Variants in GMDS observed in about 807,000 individuals in gnomAD.
The protein encoded by GMDS is GDP-mannose 4,6 dehydratase.
GMDS carries 20 observed loss-of-function variants against 49.9 expected under a neutral mutation model. That is an observed-to-expected ratio of 0.40 (90% CI 0.28 to 0.58). The LOEUF (loss-of-function observed/expected upper bound fraction) is 0.58, where lower values mean the gene tolerates loss of function less well. Ranked by LOEUF, GMDS falls within the 20% of genes least tolerant of loss-of-function variation. The probability of loss-of-function intolerance (pLI) is 0.42; values close to 1 mark genes in which losing one functional copy is unlikely to be tolerated. For missense variants in GMDS, 362 were observed against 481.4 expected, an observed-to-expected ratio of 0.75 and a Z score of 2.32; for synonymous variants, 177 against 178.6, an observed-to-expected ratio of 0.99 and a Z score of 0.07.
At chr6:1,964,564 G>A (rs149750636) in intron 4 of GMDS, among the ~76,000 whole-genome samples, 27 of 152,258 alleles carry the variant, frequency 1.8e-4, no homozygotes, top group African/African-American at 5.8e-4. Flanking sequence ...TACATTCACC[G>A]TGAACCACAC....
In GMDS at chr6:2,115,755, C is replaced by G. The variant is rs1366015154; in HGVS notation, c.345+16G>C. ...CACAGAAACACGGCCAGAGAAATCC[C>G]AATGAAAATGCTTACTTTGACGTGG... On this transcript the variant is annotated intron_variant, in intron 4 of 10. Transcript: ENST00000380815. 9.2e-6 allele frequency: 12 copies of G among 1,308,158 alleles called. No individual in the cohort carries two copies. Among genetic ancestry groups the G allele is most frequent in the Non-Finnish European group, 1.3e-5 (12 of 900,712 alleles). The allele number at this position is 1,308,158 out of a possible 1,614,324, so 81.0% of individuals were successfully genotyped here. A position where few individuals can be genotyped will look rare whatever the true frequency, so the allele number is the denominator to read the frequency against.
In GMDS at chr6:1,642,557, T is replaced by C. The variant is rs1763364150; in HGVS notation, c.988-18017A>G. On this transcript the variant is annotated intron_variant, in intron 9 of 10. Transcript: ENST00000380815. Reference sequence around the variant, plus strand: ...TTGGTTTTGTCAGGGAGAAAATAAATTTCTCCTTCAAAATCTCCACCTTCC... The same window carrying C: ...TTGGTTTTGTCAGGGAGAAAATAAACTTCTCCTTCAAAATCTCCACCTTCC... 2.6e-5 allele frequency among the ~76,000 whole-genome samples: 4 copies of C among 152,312 alleles called. No individual in the cohort carries two copies. In the East Asian group the frequency reaches 7.7e-4, roughly 29 times the overall value.
intron 1 of GMDS, among the ~76,000 whole-genome samples, chr6:2,156,913 T>C (rs1343070653): frequency 6.6e-6 from 1 of 152,218 alleles, no homozygotes; most frequent in African/African-American, 2.4e-5. Context: ...GTTTTCTCTG[T>C]ACATATTGCT....
At position 1,778,610 on chromosome 6, in the gene GMDS, A is replaced by G. The variant is rs1407398991; in HGVS notation, c.772-36024T>C. Among the ~76,000 whole-genome samples the G allele has an allele frequency of 1.3e-5, 2 of 152,224 alleles. No individual in the cohort carries two copies. Among genetic ancestry groups the G allele is most frequent in the South Asian group, 2.1e-4 (1 of 4,828 alleles). On this transcript the variant is annotated intron_variant, in intron 7 of 10. Coordinates refer to ENST00000380815, the MANE Select transcript of GMDS (RefSeq NM_001500.4). The surrounding 1 kb of genome is among the most constrained non-coding windows in gnomAD (Gnocchi z 4.6). Reference sequence around the variant, plus strand: ...TCTCGAACTGCAGGATTAGAGTAACATTAGTTAACGTGGCCCTCCATTAAT... The same window carrying G: ...TCTCGAACTGCAGGATTAGAGTAACGTTAGTTAACGTGGCCCTCCATTAAT...
At chr6:2,211,981 T>C (rs1389104687) in intron 1 of GMDS, among the ~76,000 whole-genome samples, 1 of 152,206 alleles carries the variant, frequency 6.6e-6, no homozygotes, top group Non-Finnish European at 1.5e-5. Context: ...CAATTGGTAA[T>C]AATTTAACCC....
rs760719993 is a variant in GMDS at position 1,999,319 on chromosome 6, TCAA to T, written c.346-38356_346-38354del. On this transcript the variant is annotated intron_variant, in intron 4 of 10. Transcript: ENST00000380815. ...CCTGGTGACAGAGCGAGACTCTGTC[TCAA>T]AAAAAAAAAAAAAAAAAACTGCAGA... is the stretch of plus-strand genomic sequence containing the variant. 1.3e-3 allele frequency among the ~76,000 whole-genome samples: 141 copies of T among 105,498 alleles called. 2 individuals are homozygous for T. Among genetic ancestry groups the T allele is most frequent in the South Asian group, 4.1e-3 (13 of 3,178 alleles). The allele number at this position is 105,498 out of a possible 152,430, so 69.2% of individuals were successfully genotyped here.
intron 4 of GMDS, among the ~76,000 whole-genome samples, chr6:2,087,337 A>T (rs1773071160): frequency 6.6e-6 from 1 of 152,192 alleles, no homozygotes; most frequent in South Asian, 2.1e-4. Context: ...TCTTCCTGTC[A>T]TCCTAAATGT....
intron 4 of GMDS, among the ~76,000 whole-genome samples, chr6:2,076,408 T>G (rs1373562823): frequency 6.6e-6 from 1 of 151,200 alleles, no homozygotes; most frequent in African/African-American, 2.4e-5. Flanking sequence ...GGAAAAAAAC[T>G]ACTTTAAAGT....
At chr6:1,968,466 G>T (rs1173551536) in intron 4 of GMDS, among the ~76,000 whole-genome samples, 2 of 152,210 alleles carry the variant, frequency 1.3e-5, no homozygotes, top group Non-Finnish European at 2.9e-5. Flanking sequence ...TGATGATCCT[G>T]AGACACTGCT....
chr6:1,977,257 C>T (rs1250268130), intron 4 of GMDS, among the ~76,000 whole-genome samples: 1 of 152,166 alleles, frequency 6.6e-6, no homozygotes, highest in Non-Finnish European at 1.5e-5. Flanking sequence ...TAGAAAGTTA[C>T]TTATGACAAT....
At chr6:2,238,562 A>G (rs1781475485) in intron 1 of GMDS, among the ~76,000 whole-genome samples, 1 of 152,142 alleles carries the variant, frequency 6.6e-6, no homozygotes, top group African/African-American at 2.4e-5. Flanking sequence ...TCCTTCTCTC[A>G]TTCCTTCCCA....
At chr6:1,837,717 G>A (rs1164338411) in intron 7 of GMDS, among the ~76,000 whole-genome samples, 1 of 152,280 alleles carries the variant, frequency 6.6e-6, no homozygotes, top group Non-Finnish European at 1.5e-5. Flanking sequence ...GCGAAGGCAC[G>A]ATATTCTTTC....
intron 9 of GMDS, among the ~76,000 whole-genome samples, chr6:1,726,077 G>C (rs773691448): frequency 9.2e-5 from 14 of 152,220 alleles, no homozygotes; most frequent in Non-Finnish European, 1.3e-4. Context: ...CTGGGACAGC[G>C]TTGTTAAGTC....
intron 7 of GMDS, among the ~76,000 whole-genome samples, chr6:1,762,991 T>A (rs908097651): frequency 6.6e-6 from 1 of 152,226 alleles, no homozygotes; most frequent in Non-Finnish European, 1.5e-5. Flanking sequence ...TGCTAGTGTA[T>A]GTACAAGCAG....
intron 9 of GMDS, among the ~76,000 whole-genome samples, chr6:1,676,687 T>C (rs925100812): frequency 6.6e-6 from 1 of 152,182 alleles, no homozygotes; most frequent in African/African-American, 2.4e-5. Flanking sequence ...GGGGAAAGGA[T>C]TCCCTATTTA....
At chr6:1,727,773 G>A (rs534582435) in intron 8 of GMDS, among the ~76,000 whole-genome samples, 1 of 152,284 alleles carries the variant, frequency 6.6e-6, no homozygotes, top group East Asian at 1.9e-4. Flanking sequence ...TTCACCGTTG[G>A]AGGAATAATC....
At chr6:1,752,033 G>A (rs1438338884) in intron 7 of GMDS, among the ~76,000 whole-genome samples, 2 of 152,198 alleles carry the variant, frequency 1.3e-5, no homozygotes, top group African/African-American at 4.8e-5. Context: ...CAGAGAATGA[G>A]TTTGATGAAT....
rs534203758 is a variant in GMDS, at chr6:2,112,445, A to AGTGC, written c.345+3322_345+3325dup. Among the ~76,000 whole-genome samples the AGTGC allele has an allele frequency of 2.7e-3, 411 of 152,294 alleles. 2 individuals are homozygous for AGTGC. The highest frequency in any genetic ancestry group is 9.5e-3 in the African/African-American group (394 of 41,566). On this transcript the variant is annotated intron_variant, in intron 4 of 10. Transcript: ENST00000380815. ...GAAACACTAGAACAAGGGTTCTCAA[A>AGTGC]GTGCGGTTCCCAGACCAGGGACAGC...
At chr6:2,147,472 A>G (rs1295806192) in intron 1 of GMDS, among the ~76,000 whole-genome samples, 1 of 152,146 alleles carries the variant, frequency 6.6e-6, no homozygotes, top group Non-Finnish European at 1.5e-5. Flanking sequence ...GTCCAAAAGG[A>G]TATTTTGATA....
Sources: gnomAD v4.1 joint callset for allele counts (sites outside exome capture counted in the v4.1 genomes callset) on GRCh38, gnomAD v4.1.1 for gene constraint, Gnocchi (gnomAD v3.1) non-coding constraint, MANE v1.5 for transcripts, NCBI Gene and HGNC (gene_info 2026-07-23, HGNC 2026-07-21) for gene names.